Variants in PDZD9 observed in about 807,000 individuals in gnomAD.
PDZD9 encodes the protein PDZ domain containing 9.
Under a neutral mutation model 16.3 loss-of-function variants are expected in PDZD9, and 13 were observed. That is an observed-to-expected ratio of 0.80 (90% CI 0.52 to 1.27). The LOEUF is 1.27. Among genes scored for constraint, PDZD9 ranks in the 50% most tolerant of loss-of-function variants. PDZD9 has a pLI of 0.00. For synonymous variants in PDZD9, 120 were observed against 111.0 expected (o/e 1.08, Z -0.51); for missense variants, 288 against 310.9 (o/e 0.93, Z 0.55).
At chr16:21,982,672 T>A (rs1898760872), downstream of PDZD9, among the ~76,000 whole-genome samples, 1 of 152,166 alleles carries the variant, frequency 6.6e-6, no homozygotes, top group African/African-American at 2.4e-5. Flanking sequence ...TGGCTTAGAA[T>A]GTCCTATCGA....
chr16:21,983,277 G>A, downstream of PDZD9: 1 of 1,009,590 alleles, frequency 9.9e-7, no homozygotes, highest in Non-Finnish European at 1.5e-6. Flanking sequence ...TTTTTCCAGT[G>A]AGGTAAAATA....
the PDZD9 span, chr16:21,971,905 T>C: frequency 1.7e-5 from 28 of 1,613,050 alleles, no homozygotes; most frequent in Non-Finnish European, 2.2e-5. Flanking sequence ...CTTCCCTCTA[T>C]CCTTAATCTG....
chr16:21,999,162 G>C (rs1171205546), intron 1 of PDZD9: 1 of 157,692 alleles, frequency 6.3e-6, no homozygotes, highest in Non-Finnish European at 1.4e-5. Context: ...GGTATTTTAT[G>C]TGTTTTAGGC....
At chr16:21,984,734 T>C in intron 3 of PDZD9, 74 bp from the exon 4 acceptor site, 3 of 1,225,474 alleles carry the variant, frequency 2.4e-6, no homozygotes, top group Non-Finnish European at 3.2e-6. Flanking sequence ...CAAGATGCCT[T>C]ATAACTTGCT....
chr16:21,964,360 G>A, the PDZD9 span, among the ~76,000 whole-genome samples: 3 of 152,114 alleles, frequency 2.0e-5, no homozygotes, highest in Non-Finnish European at 4.4e-5. Context: ...CCAGGTTTAC[G>A]TCTTGAGTCC....
chr16:21,979,592 G>A (rs1201015088), downstream of PDZD9, among the ~76,000 whole-genome samples: 1 of 152,134 alleles, frequency 6.6e-6, no homozygotes, highest in Non-Finnish European at 1.5e-5. Flanking sequence ...GAAAGGTACA[G>A]TAAAAATACA....
In PDZD9 at chr16:21,996,431, A is replaced by G; in HGVS notation, c.102T>C (p.Thr34=). ...TGAGGCCTAATCCCAGGCTACCCAC[A>G]GTGAGTTTGGTCTGCTGTGTTTTGC... The part of the protein sequence containing the change: ...NLSKTQQTKL[T]VGSLGLGLII... Residue 34 remains threonine (T), a synonymous_variant, in exon 2 of 4, where the codon ACT becomes ACC. Transcript: ENST00000424898. The G allele has an allele frequency of 6.5e-7, 1 of 1,536,118 alleles. No homozygotes were observed. Among genetic ancestry groups the G allele is most frequent in the Non-Finnish European group, 8.7e-7 (1 of 1,146,880 alleles).
chr16:21,971,959 A>G, the PDZD9 span: 13 of 1,614,186 alleles, frequency 8.1e-6, no homozygotes, highest in South Asian at 1.1e-5. Context: ...AGTCTTGTCC[A>G]TGCTGCTTTT....
intron 3 of PDZD9, among the ~76,000 whole-genome samples, chr16:21,987,863 AAG>A (rs1206997826): frequency 6.6e-6 from 1 of 152,130 alleles, no homozygotes; most frequent in African/African-American, 2.4e-5. Context: ...CCAGTGGCTA[AAG>A]AGGGTAGGGA....
chr16:21,962,563 A>G, the PDZD9 span: 1 of 1,612,566 alleles, frequency 6.2e-7, no homozygotes, highest in Non-Finnish European at 8.5e-7. Context: ...AAGAAATACT[A>G]AGCTGCTCAC....
At chr16:21,971,311 A>G in the PDZD9 span, among the ~76,000 whole-genome samples, 1 of 152,228 alleles carries the variant, frequency 6.6e-6, no homozygotes, top group African/African-American at 2.4e-5. Context: ...AGAAAATTCT[A>G]GATGAATAGT....
At chr16:21,981,578 A>T (rs1898729619), downstream of PDZD9, among the ~76,000 whole-genome samples, 1 of 151,924 alleles carries the variant, frequency 6.6e-6, no homozygotes, top group Non-Finnish European at 1.5e-5. Flanking sequence ...ATGTAGCAAA[A>T]CCCCATCTCT....
At position 21,992,051 on chromosome 16, in the gene PDZD9, T is replaced by G. The variant is rs181975334; in HGVS notation, c.212-3260A>C. Among the ~76,000 whole-genome samples the G allele has an allele frequency of 5.8e-4, 89 of 152,168 alleles. 1 individual carries two copies. The highest frequency in any genetic ancestry group is 4.3e-3 in the Admixed American group (66 of 15,286). ...TATTTCATTATCTACATTTCAGGAG[T>G]GTTGCAAACTTTAAATTAGATAACA... On this transcript the variant is annotated intron_variant, in intron 2 of 3. Transcript: ENST00000424898.
the PDZD9 span, chr16:21,971,671 C>A: frequency 6.4e-7 from 1 of 1,565,802 alleles, no homozygotes; most frequent in Non-Finnish European, 8.8e-7. Flanking sequence ...CGTTTCCCCA[C>A]TAGAATAGCA....
intron 3 of PDZD9, among the ~76,000 whole-genome samples, chr16:21,987,416 G>A (rs375716490): frequency 2.0e-5 from 3 of 151,622 alleles, no homozygotes; most frequent in South Asian, 4.2e-4. Context: ...GCAAAACCTC[G>A]TCTCCAAGAA....
At chr16:21,975,041 TAC>T in the PDZD9 span, among the ~76,000 whole-genome samples, 2 of 152,216 alleles carry the variant, frequency 1.3e-5, no homozygotes, top group African/African-American at 4.8e-5. Flanking sequence ...AAATTCATAG[TAC>T]AGTCAGTCAG....
chr16:21,996,425 A>G lies in PDZD9; in HGVS notation c.108T>C (p.Gly36=), dbSNP rs1899152831. The G allele has an allele frequency of 1.3e-6, 2 of 1,536,056 alleles. No homozygotes were observed. The highest frequency in any genetic ancestry group is 1.7e-6 in the Non-Finnish European group (2 of 1,146,850). Residue 36 remains glycine, a synonymous_variant, in exon 2 of 4, where the codon GGT becomes GGC. Coordinates refer to ENST00000424898, the MANE Select transcript of PDZD9 (RefSeq NM_001363519.1). ...TGATGATGAGGCCTAATCCCAGGCT[A>G]CCCACAGTGAGTTTGGTCTGCTGTG... ...SKTQQTKLTV[G]SLGLGLIIIQ...
chr16:21,968,054 T>C, the PDZD9 span, among the ~76,000 whole-genome samples: 1,591 of 147,246 alleles, frequency 0.011, 28 homozygotes, highest in African/African-American at 0.038. Flanking sequence ...CAGGCCAGAG[T>C]GCAATGACAC....
At chr16:21,969,694 T>C in the PDZD9 span, among the ~76,000 whole-genome samples, 3 of 152,176 alleles carry the variant, frequency 2.0e-5, no homozygotes, top group Non-Finnish European at 4.4e-5. Flanking sequence ...ATAATTTACA[T>C]GCTATAAAAT....
Sources: allele counts gnomAD v4.1 joint callset (sites outside exome capture counted in the v4.1 genomes callset), GRCh38; gene constraint gnomAD v4.1.1; transcripts MANE v1.5; gene names NCBI Gene and HGNC (gene_info 2026-07-23, HGNC 2026-07-21).